The following TAFA5 variants were observed in gnomAD, a reference collection of about 807,000 sequenced individuals.
The protein encoded by TAFA5 is TAFA chemokine like family member 5.
A neutral mutation model predicts 15.3 loss-of-function variants in TAFA5; 6 were observed. The observed-to-expected ratio is 0.39, with a 90% CI of 0.21 to 0.77. The LOEUF (loss-of-function observed/expected upper bound fraction) is 0.77, where lower values mean the gene tolerates loss of function less well. TAFA5 is among the 30% of genes least tolerant of loss of function. The pLI, the probability that TAFA5 is intolerant of heterozygous loss-of-function variation, is 0.41. For missense variants in TAFA5, 161 were observed against 193.1 expected (o/e 0.83, Z 0.98); for synonymous variants, 103 against 80.7 (o/e 1.28, Z -1.48).
intron 1 of TAFA5, among the ~76,000 whole-genome samples, chr22:48,518,330 C>A (rs919234329): frequency 6.6e-6 from 1 of 152,192 alleles, no homozygotes; most frequent in African/African-American, 2.4e-5. Flanking sequence ...CTCTGCCCCC[C>A]AGAATCCACA....
At chr22:48,569,029 G>A (rs968645254) in intron 1 of TAFA5, among the ~76,000 whole-genome samples, 2 of 152,224 alleles carry the variant, frequency 1.3e-5, no homozygotes, top group African/African-American at 4.8e-5. Flanking sequence ...TCTGAAGGAG[G>A]GGCAGGGCCG....
chr22:48,547,336 G>A (rs1336178144), intron 1 of TAFA5: 2 of 152,254 alleles, frequency 1.3e-5, no homozygotes, highest in Admixed American at 1.3e-4. Context: ...GGGGAATGTT[G>A]CTTTGGAACA....
intron 1 of TAFA5, among the ~76,000 whole-genome samples, chr22:48,623,886 A>T (rs1448387182): frequency 2.0e-5 from 3 of 152,236 alleles, no homozygotes; most frequent in Non-Finnish European, 4.4e-5. Flanking sequence ...TTTTCACCTA[A>T]TAATTATTAA....
chr22:48,723,042 C>G (rs1477658274), intron 3 of TAFA5, among the ~76,000 whole-genome samples: 1 of 152,182 alleles, frequency 6.6e-6, no homozygotes, highest in Non-Finnish European at 1.5e-5. Flanking sequence ...CGCCCTCTAC[C>G]TGTGCCCAGC....
intron 1 of TAFA5, among the ~76,000 whole-genome samples, chr22:48,641,727 C>A (rs1192783526): frequency 6.6e-6 from 1 of 152,114 alleles, no homozygotes; most frequent in African/African-American, 2.4e-5. Flanking sequence ...GCCCCCGGTC[C>A]AGGCCAACCC....
chr22:48,619,511 A>G lies in TAFA5; in HGVS notation c.113-27086A>G, dbSNP rs1436358321. ...GCTGGGACTACAGGTGCCCACCACC[A>G]CACCCAGCTAATTTTTGTATTTTTA... On this transcript the variant is annotated intron_variant, in intron 1 of 3. Coordinates refer to ENST00000402357, the MANE Select transcript of TAFA5 (RefSeq NM_001082967.3). Among the ~76,000 whole-genome samples the G allele has an allele frequency of 2.0e-5, 3 of 152,184 alleles. No individual in the cohort carries two copies. In the East Asian group the frequency reaches 5.8e-4, roughly 29 times the overall value.
chr22:48,582,635 A>C, intron 1 of TAFA5, among the ~76,000 whole-genome samples: 1 of 151,336 alleles, frequency 6.6e-6, no homozygotes, highest in East Asian at 2.0e-4. Context: ...CACACACCAC[A>C]CACAAAATAT....
intron 1 of TAFA5, chr22:48,546,558 T>A (rs770703509): frequency 1.5e-5 from 7 of 471,158 alleles, no homozygotes; most frequent in South Asian, 1.1e-4. Context: ...ACGGATGATG[T>A]GGACTGCTGA....
chr22:48,705,151 G>C (rs12159111), intron 2 of TAFA5, among the ~76,000 whole-genome samples: 75,034 of 151,954 alleles, frequency 0.49, 18,689 homozygotes, highest in East Asian at 0.57. Context: ...AGAGGATATT[G>C]CATCCCTAGC....
In TAFA5 at chr22:48,652,610, G is replaced by A. The variant is rs533174772; in HGVS notation, c.262+5864G>A. Among the ~76,000 whole-genome samples, 19 of 152,234 alleles carry A rather than the reference G, an allele frequency of 1.2e-4. No individual in the cohort carries two copies. The South Asian group carries it at 1.9e-3, about 15-fold the overall frequency. On this transcript the variant is annotated intron_variant, in intron 2 of 3. Coordinates refer to ENST00000402357, the MANE Select transcript of TAFA5 (RefSeq NM_001082967.3). ...GGGTCTGGGCCCTCACCAAATCATC[G>A]AGGCCCTGATCTGAGGAAGGATAAT...
chr22:48,646,493 G>T, intron 1 of TAFA5, 104 bp from the exon 2 acceptor site: 1 of 1,425,090 alleles, frequency 7.0e-7, no homozygotes, highest in Non-Finnish European at 9.5e-7. Context: ...CCTGCCCTGT[G>T]GCCTGGCTGC....
chr22:48,728,924 T>C (rs1386508350), intron 3 of TAFA5, among the ~76,000 whole-genome samples: 5 of 152,210 alleles, frequency 3.3e-5, no homozygotes, highest in African/African-American at 4.8e-5. Flanking sequence ...TAGGCTGAGA[T>C]AGGCTGAAAG....
intron 2 of TAFA5, among the ~76,000 whole-genome samples, chr22:48,650,865 G>C (rs950889747): frequency 3.9e-5 from 6 of 152,130 alleles, no homozygotes; most frequent in African/African-American, 1.4e-4. Flanking sequence ...TGGCGGGCTG[G>C]CCAGGCCCTG....
chr22:48,504,787 G>A (rs540318349), intron 1 of TAFA5, among the ~76,000 whole-genome samples: 3 of 152,132 alleles, frequency 2.0e-5, no homozygotes, highest in African/African-American at 7.2e-5. Context: ...GGGATGGCTC[G>A]CCGAATCCCA....
chr22:48,590,771 CG>C (rs1231603312), intron 1 of TAFA5, among the ~76,000 whole-genome samples: 7 of 152,050 alleles, frequency 4.6e-5, no homozygotes, highest in African/African-American at 1.7e-4. Context: ...AGTTGGAATC[CG>C]TTGTGACCAG....
rs1266357330 is a variant in TAFA5 at position 48,751,916 on chromosome 22, A to G, written c.*2069A>G. On this transcript the variant is annotated 3_prime_UTR_variant, in exon 4 of 4. Transcript: ENST00000402357. ...TTCAGCTAAATTATGAAAAATAAAG[A>G]AAAACTCCTTTGATAAGCATGGCTT... The G allele has an allele frequency of 1.3e-5, 2 of 152,654 alleles. No individual in the cohort carries two copies. The highest frequency in any genetic ancestry group is 4.8e-5 in the African/African-American group (2 of 41,474). The allele number at this position is 152,654 out of a possible 1,614,324, so 9.5% of individuals were successfully genotyped here.
chr22:48,653,645 G>A (rs372172172), intron 2 of TAFA5, among the ~76,000 whole-genome samples: 1 of 152,226 alleles, frequency 6.6e-6, no homozygotes, highest in Non-Finnish European at 1.5e-5. Flanking sequence ...GTTCCTTCCA[G>A]ATCTCGGTGC....
At chr22:48,497,084 C>T (rs1928354127) in intron 1 of TAFA5, among the ~76,000 whole-genome samples, 2 of 152,220 alleles carry the variant, frequency 1.3e-5, no homozygotes, top group Non-Finnish European at 2.9e-5. Context: ...CAGGTCTGGG[C>T]TTCCTCCCGG....
intron 1 of TAFA5, among the ~76,000 whole-genome samples, chr22:48,533,173 G>A (rs964755465): frequency 5.3e-5 from 8 of 152,196 alleles, no homozygotes; most frequent in African/African-American, 1.9e-4. Context: ...GCCGGGGTCT[G>A]AGGAGGTGGC....
Sources: gnomAD v4.1 joint callset for allele counts (sites outside exome capture counted in the v4.1 genomes callset) on GRCh38, gnomAD v4.1.1 for gene constraint, MANE v1.5 for transcripts, NCBI Gene and HGNC (gene_info 2026-07-23, HGNC 2026-07-21) for gene names.